The following ERICH6 variants were observed in gnomAD, a reference collection of about 807,000 sequenced individuals.
The protein encoded by ERICH6 is glutamate rich 6.
Under a neutral mutation model 71.0 loss-of-function variants are expected in ERICH6, and 71 were observed. That is an observed-to-expected ratio of 1.00 (90% confidence interval 0.83 to 1.22). ERICH6 has a LOEUF of 1.22. Ranked by LOEUF, ERICH6 falls within the 50% of genes most tolerant of loss-of-function variation. The probability of loss-of-function intolerance (pLI) is 0.00; values close to 1 mark genes in which losing one functional copy is unlikely to be tolerated. For missense variants in ERICH6, 808 were observed against 797.2 expected (o/e 1.01, Z -0.16); for synonymous variants, 262 against 278.4 (o/e 0.94, Z 0.59).
At position 150,698,800 on chromosome 3, in the gene ERICH6, C is replaced by A. The variant is rs1712750437; in HGVS notation, c.544G>T (p.Val182Leu). ...AAATCAAACTACTCACTCGATTGCA[C>A]TTTATCAGACAAATCTTGGAGCCAA... ...ESWLQDLSDK[V>L]QSRKKASKEK... Residue 182 changes from valine (V) to leucine (L), a missense_variant, in exon 3 of 14, where the codon GTG becomes TTG. Physicochemically the swap from Val to Leu is conservative, Grantham distance 32. Around this residue, in one of 3 missense-constraint regions of ERICH6, gnomAD observed 736 missense variants for 712.2 expected, o/e 1.03. Coordinates refer to ENST00000295910, the MANE Select transcript of ERICH6 (RefSeq NM_152394.5). 9 of 1,613,438 alleles carry A rather than the reference C, an allele frequency of 5.6e-6. No individual in the cohort carries two copies. The highest frequency in any genetic ancestry group is 1.3e-5 in the African/African-American group (1 of 74,892).
At chr3:150,679,918 A>G (rs1559914598) in intron 9 of ERICH6, among the ~76,000 whole-genome samples, 2 of 152,208 alleles carry the variant, frequency 1.3e-5, no homozygotes, top group Non-Finnish European at 1.5e-5. Flanking sequence ...TCAGCCTCCC[A>G]AAGTGCTGGG....
Position 150,682,203 on chromosome 3 carries a change from T to C in ERICH6, c.882+15A>G, listed in dbSNP as rs200319355. 1 of 1,599,824 alleles carries C rather than the reference T, an allele frequency of 6.3e-7. No homozygotes were observed. The highest frequency in any genetic ancestry group is 1.3e-5 in the African/African-American group (1 of 74,688). ...GATAATACTATTTCCACAGTAAACCTGACTTAGAACTTACATGCCCTTTTG... is the reference window on the plus strand; with the variant it reads ...GATAATACTATTTCCACAGTAAACCCGACTTAGAACTTACATGCCCTTTTG... On this transcript the variant is annotated intron_variant, in intron 7 of 13. Transcript: ENST00000295910.
chr3:150,684,585 T>C (rs941020232), intron 6 of ERICH6, among the ~76,000 whole-genome samples: 3 of 152,102 alleles, frequency 2.0e-5, no homozygotes, highest in African/African-American at 7.2e-5. Context: ...CACATGGCCA[T>C]GGCATCCAGC....
intron 3 of ERICH6, among the ~76,000 whole-genome samples, chr3:150,693,897 T>C (rs1712549135): frequency 1.3e-5 from 2 of 152,158 alleles, no homozygotes; most frequent in Non-Finnish European, 2.9e-5. Context: ...TCCCCCATTT[T>C]CCCCAATTTG....
At chr3:150,668,372 T>C (rs1023850141) in intron 12 of ERICH6, among the ~76,000 whole-genome samples, 2 of 152,152 alleles carry the variant, frequency 1.3e-5, no homozygotes, top group African/African-American at 4.8e-5. Context: ...GTTCAGTTTA[T>C]GGGGCAGGGG....
At chr3:150,660,488 G>A (rs1727179713) in intron 13 of ERICH6, among the ~76,000 whole-genome samples, 1 of 152,188 alleles carries the variant, frequency 6.6e-6, no homozygotes. Flanking sequence ...GGTAGGGTGA[G>A]TGCTGGTCTG....
intron 6 of ERICH6, among the ~76,000 whole-genome samples, chr3:150,684,276 C>A (rs1712089451): frequency 6.6e-6 from 1 of 152,052 alleles, no homozygotes; most frequent in Non-Finnish European, 1.5e-5. Flanking sequence ...TGTTGAGTGA[C>A]CGTAAAGTTT....
At chr3:150,699,013 C>T in intron 2 of ERICH6, 131 bp from the exon 3 acceptor site, 1 of 644,354 alleles carries the variant, frequency 1.6e-6, no homozygotes, top group Non-Finnish European at 2.7e-6. Flanking sequence ...ATATTTTCTT[C>T]CATTTTTATC....
At chr3:150,701,699 A>T (rs1712874581) in intron 2 of ERICH6, among the ~76,000 whole-genome samples, 1 of 152,212 alleles carries the variant, frequency 6.6e-6, no homozygotes, top group Non-Finnish European at 1.5e-5. Context: ...TTCTTACTAT[A>T]GTTAAAGTGC....
Position 150,702,120 on chromosome 3 carries a change from C to T in ERICH6, c.461+1G>A, listed in dbSNP as rs773565417. 3 of 1,550,612 alleles carry T rather than the reference C, an allele frequency of 1.9e-6. No individual in the cohort carries two copies. The highest frequency in any genetic ancestry group is 1.8e-5 in the Admixed American group (1 of 54,544). ...TGTGAAATTTGAAAACATTTTCTTA[C>T]CTATCTATACTCATTTCAGACATGT... On this transcript the variant is annotated splice_donor_variant, in intron 2 of 13. Transcript: ENST00000295910. LOFTEE classifies it high-confidence loss of function.
intron 3 of ERICH6, among the ~76,000 whole-genome samples, chr3:150,694,203 C>T (rs989787724): frequency 3.3e-5 from 5 of 152,106 alleles, no homozygotes; most frequent in Admixed American, 3.3e-4. Context: ...TGAGACCAGA[C>T]TCATTATTTT....
rs139727639 is a variant in ERICH6 at position 150,694,724 on chromosome 3, T to C, written c.553+4067A>G. Among the ~76,000 whole-genome samples, 52 of 152,344 alleles carry C rather than the reference T, an allele frequency of 3.4e-4. No homozygotes were observed. In the East Asian group the frequency reaches 7.9e-3, roughly 23 times the overall value. On this transcript the variant is annotated intron_variant, in intron 3 of 13. Transcript: ENST00000295910. ...CATGTGCTTAACCATGGCAAAACAA[T>C]TTTCTAAATTGATTGAAACCTGTCT...
In ERICH6 at chr3:150,659,885, T is replaced by C; in HGVS notation, c.*7A>G. 4 of 1,592,016 alleles carry C rather than the reference T, an allele frequency of 2.5e-6. No homozygotes were observed. The highest frequency in any genetic ancestry group is 3.4e-6 in the Non-Finnish European group (4 of 1,169,988). ...AACAAAACAAATGAAAGCACCATCATTCTTAGTTAAATTTCTTCATTTATT... is the reference window on the plus strand; with the variant it reads ...AACAAAACAAATGAAAGCACCATCACTCTTAGTTAAATTTCTTCATTTATT... On this transcript the variant is annotated 3_prime_UTR_variant, in exon 14 of 14. Coordinates refer to ENST00000295910, the MANE Select transcript of ERICH6 (RefSeq NM_152394.5).
At chr3:150,688,074 C>T (rs537429073) in intron 3 of ERICH6, among the ~76,000 whole-genome samples, 33 of 152,138 alleles carry the variant, frequency 2.2e-4, no homozygotes, top group Admixed American at 8.5e-4. Flanking sequence ...GCTGAGATCA[C>T]GCCACTGCAC....
chr3:150,691,239 T>C (rs938303257), intron 3 of ERICH6, among the ~76,000 whole-genome samples: 6 of 152,242 alleles, frequency 3.9e-5, no homozygotes, highest in Non-Finnish European at 7.3e-5. Context: ...TACTTGTAGA[T>C]GAACTCATTA....
chr3:150,698,851 G>C lies in ERICH6; in HGVS notation c.493C>G (p.Pro165Ala). Residue 165 changes from proline to alanine, a missense_variant, in exon 3 of 14, where the codon CCA (proline) becomes GCA (alanine). Physicochemically the swap from Pro to Ala is conservative, Grantham distance 27. Transcript: ENST00000295910. ...NIHRNLSPGI[P>A]VSVQTEESWL... ...CTTTCTTCTGTTTGTACTGATACTG[G>C]AATTCCTGGAGACAAATTGCGATGA... The C allele has an allele frequency of 6.2e-7, 1 of 1,613,918 alleles. No individual in the cohort carries two copies. The highest frequency in any genetic ancestry group is 8.5e-7 in the Non-Finnish European group (1 of 1,179,924).
At chr3:150,703,420 C>T (rs867811843) in intron 1 of ERICH6, 76 bp downstream of exon 1, 49 of 1,462,658 alleles carry the variant, frequency 3.4e-5, no homozygotes, top group Middle Eastern at 4.7e-4. Flanking sequence ...GACGAAGGCA[C>T]CACCCAGGAG....
intron 11 of ERICH6, among the ~76,000 whole-genome samples, chr3:150,671,212 A>C (rs1184667789): frequency 6.6e-6 from 1 of 152,202 alleles, no homozygotes; most frequent in Non-Finnish European, 1.5e-5. Flanking sequence ...TATGCTTCCT[A>C]TTCTGTGAAA....
chr3:150,682,430 T>C, intron 6 of ERICH6, 114 bp from the exon 7 acceptor site: 5 of 709,464 alleles, frequency 7.0e-6, no homozygotes, highest in Non-Finnish European at 1.2e-5. Context: ...GCAGTGGTGA[T>C]GAGATGTGCC....
Sources: allele counts gnomAD v4.1 joint callset (sites outside exome capture counted in the v4.1 genomes callset), GRCh38; gene constraint gnomAD v4.1.1; regional missense constraint gnomAD v4.1.1; transcripts MANE v1.5; gene names NCBI Gene and HGNC (gene_info 2026-07-23, HGNC 2026-07-21).